The following PRRC2C variants were observed in gnomAD, a reference collection of about 807,000 sequenced individuals.
PRRC2C encodes the protein proline rich coiled-coil 2C, also known as protein PRRC2C.
In PRRC2C, 72 loss-of-function variants were observed where a neutral mutation model predicts 317.2. The ratio of observed to expected loss-of-function variants is 0.23; its 90% CI spans 0.19 to 0.28. The LOEUF (loss-of-function observed/expected upper bound fraction) is 0.28. Among genes scored for constraint, PRRC2C ranks in the 10% least tolerant of loss-of-function variants. PRRC2C has a pLI of 1.00. For missense variants in PRRC2C, 3,074 were observed against 3,459.7 expected (o/e 0.89, Z 2.80); for synonymous variants, 1,296 against 1,205.9 (o/e 1.07, Z -1.55).
In PRRC2C at chr1:171,540,215, G is replaced by A; in HGVS notation, c.2749G>A (p.Val917Ile). 2 of 1,613,892 alleles carry A rather than the reference G, an allele frequency of 1.2e-6. No homozygotes were observed. Among genetic ancestry groups the A allele is most frequent in the South Asian group, 1.1e-5 (1 of 91,072 alleles). Reference sequence around the variant, plus strand: ...TCCTCAAGAGGAGCGGATTTCAGCTGTAGAAAGTCAGCCTTCCCGGAAAAG... The same window carrying A: ...TCCTCAAGAGGAGCGGATTTCAGCTATAGAAAGTCAGCCTTCCCGGAAAAG... ...SAPQEERISA[V>I]ESQPSRKRSV... Residue 917 changes from valine to isoleucine, a missense_variant, in exon 16 of 35, where the codon GTA becomes ATA. Coordinates refer to ENST00000647382, the MANE Select transcript of PRRC2C (RefSeq NM_001387844.1).
chr1:171,584,078 C>G lies in PRRC2C; in HGVS notation c.7532C>G (p.Ala2511Gly), dbSNP rs1483626077. Residue 2511 changes from alanine (A) to glycine (G), a missense_variant, in exon 29 of 35, where the codon GCC becomes GGC. Around this residue, in one of 11 missense-constraint regions of PRRC2C, gnomAD observed 490 missense variants for 663.1 expected, o/e 0.74. Transcript: ENST00000647382. ...CTTGCCAAGGCACAATCCGGTCTTG[C>G]CTTTCAGCAAACATCAAATACTCAG... is the stretch of plus-strand genomic sequence containing the variant. Reference protein sequence around the residue: ...QELAKAQSGLAFQQTSNTQPI... With the variant: ...QELAKAQSGLGFQQTSNTQPI... The G allele has an allele frequency of 1.9e-6, 3 of 1,613,828 alleles. No individual in the cohort carries two copies. Among genetic ancestry groups the G allele is most frequent in the Non-Finnish European group, 2.5e-6 (3 of 1,179,852 alleles).
intron 28 of PRRC2C, among the ~76,000 whole-genome samples, chr1:171,580,434 AGCATTTTTTCCAAAAATTCACTCAGAT>A (rs748411851): frequency 2.6e-5 from 4 of 152,228 alleles, no homozygotes; most frequent in Non-Finnish European, 5.9e-5. Context: ...TAGTGAAGAA[AGCATTTTTTCCAAAAATTCACTCAGAT>A]GCACTGTAAG....
intron 18 of PRRC2C, 147 bp from the exon 19 acceptor site, chr1:171,557,093 T>C (rs762136553): frequency 2.4e-5 from 33 of 1,377,354 alleles, no homozygotes; most frequent in Non-Finnish European, 3.2e-5. Context: ...ATTCAAAATC[T>C]TATTAGCAAC....
rs1318547033 is a variant in PRRC2C, at chr1:171,485,582, A to G, written c.-211A>G. On this transcript the variant is annotated 5_prime_UTR_variant, in exon 1 of 35. Transcript: ENST00000647382. ...TCGCTCCCCCTCGGAAAGCTGCGAA[A>G]GTGCTTTGGCGGTTTGTCCATCCGC... 1 of 152,656 alleles carries G rather than the reference A, an allele frequency of 6.6e-6. No homozygotes were observed. Among genetic ancestry groups the G allele is most frequent in the Non-Finnish European group, 1.5e-5 (1 of 68,048 alleles). The allele number at this position is 152,656 out of a possible 1,614,324, so 9.5% of individuals were successfully genotyped here.
intron 16 of PRRC2C, among the ~76,000 whole-genome samples, chr1:171,545,013 T>C (rs1308887422): frequency 6.6e-6 from 1 of 152,214 alleles, no homozygotes; most frequent in African/African-American, 2.4e-5. Flanking sequence ...TTTTAAATAA[T>C]TATATCAATG....
At position 171,592,799 on chromosome 1, in the gene PRRC2C, G is replaced by C. The variant is rs1201279055; in HGVS notation, c.*952G>C. ...ACTAATTAAAGGAAATCCTAAGAAG[G>C]TGCATTTCTTTACAGAGCTGTGTCA... On this transcript the variant is annotated 3_prime_UTR_variant, in exon 35 of 35. Transcript: ENST00000647382. 1 of 152,058 alleles carries C rather than the reference G, an allele frequency of 6.6e-6. No individual in the cohort carries two copies. The highest frequency in any genetic ancestry group is 1.9e-4 in the East Asian group (1 of 5,194). The allele number at this position is 152,058 out of a possible 1,614,324, so 9.4% of individuals were successfully genotyped here. A position where few individuals can be genotyped will look rare whatever the true frequency, so the allele number is the denominator to read the frequency against.
rs1361433514 is a variant in PRRC2C at position 171,540,971 on chromosome 1, C to T, written c.3505C>T (p.Pro1169Ser). ...AGTTAAAAAAGAATCAACTTTGCCTCCCAGGACCTATTGGAAAGAAGCTAG... is the reference window on the plus strand; with the variant it reads ...AGTTAAAAAAGAATCAACTTTGCCTTCCAGGACCTATTGGAAAGAAGCTAG... ...PAVKKESTLP[P>S]RTYWKEARER... The change falls in exon 16 of 35, where the codon CCC becomes TCC. Residue 1169 changes from proline to serine, a missense_variant. By Grantham distance (74) the Pro-to-Ser change is moderately conservative. Transcript: ENST00000647382. The T allele has an allele frequency of 2.5e-6, 4 of 1,613,838 alleles. No homozygotes were observed. The highest frequency in any genetic ancestry group is 3.3e-5 in the Admixed American group (2 of 59,998).
chr1:171,494,014 A>G (rs1667663438), intron 1 of PRRC2C, among the ~76,000 whole-genome samples: 1 of 152,252 alleles, frequency 6.6e-6, no homozygotes, highest in African/African-American at 2.4e-5. Flanking sequence ...GAGATTAAGT[A>G]ATTTGCCTGT....
chr1:171,499,066 T>C (rs1668624329), intron 1 of PRRC2C, among the ~76,000 whole-genome samples: 1 of 152,216 alleles, frequency 6.6e-6, no homozygotes, highest in Non-Finnish European at 1.5e-5. Context: ...CTCCTTGGCT[T>C]CCCAAAGTGC....
intron 6 of PRRC2C, among the ~76,000 whole-genome samples, chr1:171,519,082 C>T (rs1488882581): frequency 1.3e-5 from 2 of 152,098 alleles, no homozygotes; most frequent in East Asian, 3.9e-4. Flanking sequence ...CAGGATTTTG[C>T]CATGTTGGCA....
chr1:171,581,984 G>T (rs1308412339), intron 28 of PRRC2C, among the ~76,000 whole-genome samples: 1 of 151,966 alleles, frequency 6.6e-6, no homozygotes, highest in Non-Finnish European at 1.5e-5. Context: ...GTTTTGAGGG[G>T]GTGTGTTTTG....
intron 10 of PRRC2C, 151 bp from the exon 11 acceptor site, chr1:171,527,640 C>A: frequency 1.7e-6 from 1 of 581,066 alleles, no homozygotes. Context: ...CCTGTAATCC[C>A]AGGTATTTAG....
At chr1:171,489,526 T>C (rs958841074) in intron 1 of PRRC2C, among the ~76,000 whole-genome samples, 8 of 152,210 alleles carry the variant, frequency 5.3e-5, no homozygotes, top group African/African-American at 1.9e-4. Context: ...ATAGTACAGA[T>C]TGAGTTCCTA....
chr1:171,520,505 G>A (rs1037437468), intron 6 of PRRC2C, among the ~76,000 whole-genome samples: 10 of 152,114 alleles, frequency 6.6e-5, no homozygotes, highest in African/African-American at 2.4e-4. Flanking sequence ...TATCACTACT[G>A]TATACTGAGA....
At chr1:171,527,751 C>G in intron 10 of PRRC2C, 40 bp from the exon 11 acceptor site, 1 of 1,512,102 alleles carries the variant, frequency 6.6e-7, no homozygotes, top group Middle Eastern at 1.8e-4. Flanking sequence ...GCAAGACTGT[C>G]TCCAAAATAA....
Position 171,584,194 on chromosome 1 carries a change from C to A in PRRC2C, c.7641+7C>A. On this transcript the variant is annotated splice_region_variant and intron_variant, in intron 29 of 34. Coordinates refer to ENST00000647382, the MANE Select transcript of PRRC2C (RefSeq NM_001387844.1). Reference sequence around the variant, plus strand: ...TGACACACATCTTCTCCAGGTAAGTCAGGGGACTAGAGCAATGCACCCTCA... The same window carrying A: ...TGACACACATCTTCTCCAGGTAAGTAAGGGGACTAGAGCAATGCACCCTCA... 6.2e-7 allele frequency: 1 copy of A among 1,601,712 alleles called. No individual in the cohort carries two copies. Among genetic ancestry groups the A allele is most frequent in the South Asian group, 1.1e-5 (1 of 90,696 alleles).
chr1:171,511,543 AGAG>A (rs1172334214), intron 1 of PRRC2C: 2 of 152,234 alleles, frequency 1.3e-5, no homozygotes, highest in African/African-American at 4.8e-5. Context: ...TACGAAATGA[AGAG>A]AACATAGAAC....
chr1:171,520,652 G>A (rs1490453329), intron 6 of PRRC2C, among the ~76,000 whole-genome samples: 1 of 152,144 alleles, frequency 6.6e-6, no homozygotes, highest in Non-Finnish European at 1.5e-5. Flanking sequence ...TATGCCTCCA[G>A]TAGTGTCTTT....
chr1:171,579,722 T>A, intron 27 of PRRC2C, 106 bp from the exon 28 acceptor site: 1 of 1,346,690 alleles, frequency 7.4e-7, no homozygotes, highest in African/African-American at 1.5e-5. Flanking sequence ...TGATATATAG[T>A]ATTAATTTTA....
Sources: allele counts gnomAD v4.1 joint callset (sites outside exome capture counted in the v4.1 genomes callset), GRCh38; gene constraint gnomAD v4.1.1; regional missense constraint gnomAD v4.1.1; transcripts MANE v1.5; gene names NCBI Gene and HGNC (gene_info 2026-07-23, HGNC 2026-07-21).